The following SPOCK1 variants were observed in gnomAD, a reference collection of about 807,000 sequenced individuals.
The protein encoded by SPOCK1 is testican-1.
A neutral mutation model predicts 55.3 loss-of-function variants in SPOCK1; 23 were observed. That is an observed-to-expected ratio of 0.42 (90% CI 0.30 to 0.59). The LOEUF is 0.59. SPOCK1 is among the 20% of genes least tolerant of loss of function. The pLI is 0.22. For missense variants in SPOCK1, 499 were observed against 552.5 expected, an observed-to-expected ratio of 0.90 and a Z score of 0.97; for synonymous variants, 226 against 221.0, an observed-to-expected ratio of 1.02 and a Z score of -0.20.
At chr5:137,139,474 C>T (rs919864607) in intron 4 of SPOCK1, among the ~76,000 whole-genome samples, 5 of 151,898 alleles carry the variant, frequency 3.3e-5, no homozygotes, top group African/African-American at 1.2e-4. Context: ...ACCAGCATTG[C>T]TTGGACTTCA....
At chr5:137,295,606 G>A (rs1412271937) in intron 2 of SPOCK1, among the ~76,000 whole-genome samples, 2 of 152,040 alleles carry the variant, frequency 1.3e-5, no homozygotes, top group East Asian at 3.9e-4. Context: ...AAGTAGCCAC[G>A]TGACTTTTTC....
intron 2 of SPOCK1, among the ~76,000 whole-genome samples, chr5:137,319,107 G>A (rs1757935151): frequency 6.6e-6 from 1 of 152,172 alleles, no homozygotes; most frequent in African/African-American, 2.4e-5. Flanking sequence ...GAAAAGAGGA[G>A]GCACACACAA....
rs571560955 is a variant in SPOCK1 at position 136,978,536 on chromosome 5, G to C, written c.*118C>G. The C allele has an allele frequency of 2.3e-5, 26 of 1,115,140 alleles. No homozygotes were observed. Among genetic ancestry groups the C allele is most frequent in the Non-Finnish European group, 3.0e-5 (24 of 787,092 alleles). 69.1% of individuals were successfully genotyped at this position (1,115,140 alleles called of 1,614,324 possible). On this transcript the variant is annotated 3_prime_UTR_variant, in exon 11 of 11. Transcript: ENST00000394945. ...CAGTTGTCTTCCAAACCTTAGGTCG[G>C]GTATAGAGAGCAACAATGGAGAAGA...
chr5:137,013,445 T>TA (rs1310428472), intron 6 of SPOCK1, among the ~76,000 whole-genome samples: 2 of 152,244 alleles, frequency 1.3e-5, no homozygotes, highest in African/African-American at 4.8e-5. Context: ...AGAGTTTATT[T>TA]AAATTTGCTT....
intron 2 of SPOCK1, among the ~76,000 whole-genome samples, chr5:137,380,445 G>C (rs1751439002): frequency 6.6e-6 from 1 of 152,168 alleles, no homozygotes; most frequent in Non-Finnish European, 1.5e-5. Flanking sequence ...GAGGAATGCT[G>C]TATCAGTCCA....
intron 2 of SPOCK1, among the ~76,000 whole-genome samples, chr5:137,497,133 G>T (rs1287229211): frequency 2.0e-5 from 3 of 152,254 alleles, no homozygotes; most frequent in Middle Eastern, 3.4e-3. Context: ...TCCCTGCAAG[G>T]CCTGCAGATA....
chr5:137,288,419 C>A (rs1044898560), intron 2 of SPOCK1, among the ~76,000 whole-genome samples: 1 of 152,212 alleles, frequency 6.6e-6, no homozygotes, highest in Non-Finnish European at 1.5e-5. Flanking sequence ...TGTCCTGAAT[C>A]CTACACAATG....
At chr5:137,179,608 A>G (rs1754927748) in intron 3 of SPOCK1, among the ~76,000 whole-genome samples, 1 of 152,114 alleles carries the variant, frequency 6.6e-6, no homozygotes, top group African/African-American at 2.4e-5. Flanking sequence ...AGCAGCCTCA[A>G]TACTGCCTAG....
At chr5:137,212,100 AG>A (rs752586584) in intron 3 of SPOCK1, among the ~76,000 whole-genome samples, 1 of 152,186 alleles carries the variant, frequency 6.6e-6, no homozygotes, top group South Asian at 2.1e-4. Flanking sequence ...TGGCATCCGA[AG>A]GGGGGTCCAT....
At chr5:137,300,895 C>G (rs944471368) in intron 2 of SPOCK1, among the ~76,000 whole-genome samples, 1 of 152,156 alleles carries the variant, frequency 6.6e-6, no homozygotes, top group African/African-American at 2.4e-5. Flanking sequence ...CAGATTGTAC[C>G]AAGTGCAGCT....
At chr5:136,985,671 A>G (rs1232765572) in intron 8 of SPOCK1, among the ~76,000 whole-genome samples, 2 of 152,188 alleles carry the variant, frequency 1.3e-5, no homozygotes, top group Non-Finnish European at 2.9e-5. Context: ...CCAGGAAAGT[A>G]AAATAGGCTT....
intron 3 of SPOCK1, among the ~76,000 whole-genome samples, chr5:137,241,399 C>G (rs1756278714): frequency 1.3e-5 from 2 of 152,272 alleles, no homozygotes; most frequent in South Asian, 4.1e-4. Context: ...ACCAAGGACC[C>G]ATCTGAAAGA....
intron 2 of SPOCK1, among the ~76,000 whole-genome samples, chr5:137,475,297 G>A (rs984661058): frequency 1.1e-4 from 17 of 152,070 alleles, no homozygotes; most frequent in Admixed American, 2.6e-4. Flanking sequence ...GACCCCCCTC[G>A]CCCCCAAATG....
At chr5:137,253,206 C>T (rs1481059406) in intron 3 of SPOCK1, among the ~76,000 whole-genome samples, 1 of 152,204 alleles carries the variant, frequency 6.6e-6, no homozygotes, top group Non-Finnish European at 1.5e-5. Context: ...CAATAGAATT[C>T]ACTCAGAGCA....
chr5:137,402,037 T>C (rs773172470), intron 2 of SPOCK1, among the ~76,000 whole-genome samples: 12 of 152,192 alleles, frequency 7.9e-5, no homozygotes, highest in Non-Finnish European at 1.5e-4. Context: ...TTATTAGTGT[T>C]ATCTCAGAGG....
chr5:137,192,400 G>A (rs571993713), intron 3 of SPOCK1, among the ~76,000 whole-genome samples: 8 of 152,186 alleles, frequency 5.3e-5, no homozygotes, highest in South Asian at 2.1e-4. Flanking sequence ...AGTTCAACAC[G>A]GCAGAGTCGT....
intron 4 of SPOCK1, among the ~76,000 whole-genome samples, chr5:137,127,909 T>C (rs1753806479): frequency 6.6e-6 from 1 of 152,204 alleles, no homozygotes; most frequent in African/African-American, 2.4e-5. Context: ...TTTATGGCTA[T>C]TGAGATAGAA....
At chr5:137,003,573 G>C (rs1751187284) in intron 6 of SPOCK1, among the ~76,000 whole-genome samples, 1 of 152,106 alleles carries the variant, frequency 6.6e-6, no homozygotes, top group Admixed American at 6.5e-5. Flanking sequence ...ATCTGTAAGA[G>C]GTTGTTGACA....
intron 9 of SPOCK1, among the ~76,000 whole-genome samples, chr5:136,983,310 T>C (rs1036940789): frequency 1.3e-5 from 2 of 152,090 alleles, no homozygotes; most frequent in Non-Finnish European, 2.9e-5. Context: ...GACTCTAGGG[T>C]CTAGTCTAGA....
Sources: gnomAD v4.1 joint callset for allele counts (sites outside exome capture counted in the v4.1 genomes callset) on GRCh38, gnomAD v4.1.1 for gene constraint, MANE v1.5 for transcripts, NCBI Gene and HGNC (gene_info 2026-07-23, HGNC 2026-07-21) for gene names.